Variants in FAN1 observed in about 807,000 individuals in gnomAD.
FAN1 encodes FANCD2 and FANCI associated nuclease 1, also known as fanconi-associated nuclease 1.
Under a neutral mutation model 104.9 loss-of-function variants are expected in FAN1, and 91 were observed. The observed-to-expected ratio is 0.87, with a 90% CI of 0.73 to 1.03. FAN1 has a LOEUF of 1.03. Ranked by LOEUF, FAN1 falls within the 50% of genes least tolerant of loss-of-function variation. The pLI, the probability that FAN1 is intolerant of heterozygous loss-of-function variation, is 0.00. For missense variants in FAN1, 1,263 were observed against 1,239.9 expected, an observed-to-expected ratio of 1.02 and a Z score of -0.28; for synonymous variants, 478 against 457.6, an observed-to-expected ratio of 1.04 and a Z score of -0.57.
rs1566931947 is a variant in FAN1 at position 30,930,406 on chromosome 15, C to T, written c.2788-137C>T. ...TGCAGCTCTGGTACAAGCAGCAGAA[C>T]AGCGCATGGTGGGCCTGGGGTCCAT... On this transcript the variant is annotated intron_variant, in intron 12 of 14. Transcript: ENST00000362065. 5 of 972,172 alleles carry T rather than the reference C, an allele frequency of 5.1e-6. No homozygotes were observed. In the South Asian group the frequency reaches 8.2e-5, roughly 16 times the overall value. 60.2% of individuals were successfully genotyped at this position (972,172 alleles called of 1,614,324 possible).
At chr15:30,941,245 G>A (rs771697948) in intron 14 of FAN1, 21 of 1,444,980 alleles carry the variant, frequency 1.5e-5, no homozygotes, top group East Asian at 3.1e-5. Context: ...ACGGTTACAA[G>A]AGCCAGACCT....
At chr15:30,923,496 C>T (rs1049246137) in intron 8 of FAN1, among the ~76,000 whole-genome samples, 3 of 152,200 alleles carry the variant, frequency 2.0e-5, no homozygotes, top group Non-Finnish European at 4.4e-5. Context: ...CCTCTGTTTC[C>T]AGAGGTCTTA....
chr15:30,928,887 T>G (rs981359752), intron 11 of FAN1: 4 of 698,388 alleles, frequency 5.7e-6, no homozygotes, highest in Middle Eastern at 1.4e-3. Context: ...TTTAGACCTT[T>G]CGTATAAAGT....
At chr15:30,918,736 G>C (rs2062247225) in intron 6 of FAN1, among the ~76,000 whole-genome samples, 1 of 152,200 alleles carries the variant, frequency 6.6e-6, no homozygotes, top group Non-Finnish European at 1.5e-5. Context: ...CACAGCACAT[G>C]ATCTTTTATT....
chr15:30,927,263 G>A (rs1298641042), intron 10 of FAN1: 1 of 985,400 alleles, frequency 1.0e-6, no homozygotes, highest in African/African-American at 1.7e-5. Context: ...ATTCCTGCCT[G>A]ATCGTCAGTG....
chr15:30,917,181 G>C (rs535277948), intron 5 of FAN1, among the ~76,000 whole-genome samples: 1 of 152,288 alleles, frequency 6.6e-6, no homozygotes, highest in South Asian at 2.1e-4. Flanking sequence ...ATCAAGGATG[G>C]CTCTGGTGTT....
Position 30,913,882 on chromosome 15 carries a change from A to G in FAN1, c.1602A>G (p.Ser534=). The G allele has an allele frequency of 2.5e-6, 4 of 1,613,656 alleles. No individual in the cohort carries two copies. The highest frequency in any genetic ancestry group is 3.4e-6 in the Non-Finnish European group (4 of 1,179,722). Residue 534 remains serine (S), a synonymous_variant, in exon 5 of 15, where the codon TCA becomes TCG. Transcript: ENST00000362065. ...GAGCCAAAGCCTTGGCTGGACAGTC[A>G]GTACGAATCTGTAAAGGCCCCAGGG... is the stretch of plus-strand genomic sequence containing the variant. ...LKRAKALAGQ[S]VRICKGPRAV...
chr15:30,923,137 C>T (rs987554762), intron 8 of FAN1, among the ~76,000 whole-genome samples: 2 of 152,170 alleles, frequency 1.3e-5, no homozygotes, highest in East Asian at 1.9e-4. Flanking sequence ...TGGAAAAAAA[C>T]GACCACTGGT....
In FAN1 at chr15:30,925,894, G is replaced by A. The variant is rs747737209; in HGVS notation, c.2443G>A (p.Glu815Lys). The A allele has an allele frequency of 7.4e-6, 12 of 1,614,230 alleles. No individual in the cohort carries two copies. Among genetic ancestry groups the A allele is most frequent in the Non-Finnish European group, 1.0e-5 (12 of 1,180,044 alleles). Residue 815 changes from glutamate (E) to lysine (K), a missense_variant, in exon 10 of 15, where the codon GAG (glutamate) becomes AAG (lysine). Transcript: ENST00000362065. ...CCCCACCACGGTCCTGTGCTCTGTG[G>A]AGGAGCTGGCACTGGCCCATTACAG... ...ADPTTVLCSVEELALAHYRRS... is the reference protein window; with the variant it reads ...ADPTTVLCSVKELALAHYRRS...
At chr15:30,921,522 T>C (rs1487807669) in intron 7 of FAN1, among the ~76,000 whole-genome samples, 1 of 152,084 alleles carries the variant, frequency 6.6e-6, no homozygotes, top group Non-Finnish European at 1.5e-5. Context: ...AATATATATA[T>C]ACAAAACAAG....
chr15:30,933,753 CT>C (rs545200453), intron 13 of FAN1, among the ~76,000 whole-genome samples: 101 of 136,018 alleles, frequency 7.4e-4, no homozygotes, highest in East Asian at 2.2e-3. Context: ...TATTTCTTTT[CT>C]TTTTTTTTTT....
chr15:30,934,928 T>G (rs1380631427), intron 13 of FAN1, among the ~76,000 whole-genome samples: 1 of 152,234 alleles, frequency 6.6e-6, no homozygotes, highest in Non-Finnish European at 1.5e-5. Context: ...TTTCTACAGT[T>G]GATTAATGAG....
intron 8 of FAN1, among the ~76,000 whole-genome samples, chr15:30,922,579 G>T (rs2062360706): frequency 1.3e-5 from 2 of 152,164 alleles, no homozygotes; most frequent in Non-Finnish European, 2.9e-5. Flanking sequence ...GCTGATTGGC[G>T]AGATGGGCTT....
rs781668189 is a variant in FAN1, at chr15:30,941,862, G to A, written c.*300G>A. On this transcript the variant is annotated 3_prime_UTR_variant, in exon 15 of 15. Transcript: ENST00000362065. ...AGTTTTATGTGTGTTCCAGAGACAC[G>A]TGGCAGAATAACACCGTGCAGGTTG... is the stretch of plus-strand genomic sequence containing the variant. 2.0e-5 allele frequency: 33 copies of A among 1,614,046 alleles called. No homozygotes were observed. The highest frequency in any genetic ancestry group is 5.5e-5 in the South Asian group (5 of 91,088).
At chr15:30,934,136 C>T (rs1297793579) in intron 13 of FAN1, among the ~76,000 whole-genome samples, 1 of 152,168 alleles carries the variant, frequency 6.6e-6, no homozygotes, top group East Asian at 1.9e-4. Flanking sequence ...GTCATGTCCT[C>T]TTCATGAGTC....
chr15:30,910,799 G>A lies in FAN1; in HGVS notation c.1561G>A (p.Ala521Thr), dbSNP rs772046252. Residue 521 changes from alanine to threonine, a missense_variant, in exon 4 of 15, where the codon GCA (alanine) becomes ACA (threonine). Physicochemically the swap from Ala to Thr is moderately conservative, Grantham distance 58 (BLOSUM62 0). Around this residue, in one of 2 missense-constraint regions of FAN1, gnomAD observed 581 missense variants for 668.8 expected, o/e 0.87. Coordinates refer to ENST00000362065, the MANE Select transcript of FAN1 (RefSeq NM_014967.5). ...TWGKNKPGIG[A>T]VILKRAKALA... ...GGGCAAGAATAAGCCTGGAATTGGTGCAGTGATTTTAAAAAGGTTTTGTTG... is the reference window on the plus strand; with the variant it reads ...GGGCAAGAATAAGCCTGGAATTGGTACAGTGATTTTAAAAAGGTTTTGTTG... 4 of 1,613,576 alleles carry A rather than the reference G, an allele frequency of 2.5e-6. No homozygotes were observed. Among genetic ancestry groups the A allele is most frequent in the Non-Finnish European group, 3.4e-6 (4 of 1,179,774 alleles).
intron 14 of FAN1, 196 bp from the exon 15 acceptor site, chr15:30,941,370 C>A (rs2063046510): frequency 1.3e-6 from 2 of 1,536,170 alleles, no homozygotes. Flanking sequence ...ATTATTCTTA[C>A]ATATAAAGTT....
chr15:30,914,430 T>A (rs1329472031), intron 5 of FAN1, among the ~76,000 whole-genome samples: 1 of 152,220 alleles, frequency 6.6e-6, no homozygotes, highest in Non-Finnish European at 1.5e-5. Flanking sequence ...GGTGGCATGA[T>A]CACCGCTCAC....
chr15:30,907,997 A>G, intron 2 of FAN1, 121 bp from the exon 3 acceptor site: 1 of 659,314 alleles, frequency 1.5e-6, no homozygotes, highest in Non-Finnish European at 2.3e-6. Context: ...GGTTTATTCC[A>G]TAAAATGAAG....
Sources: gnomAD v4.1 joint callset for allele counts (sites outside exome capture counted in the v4.1 genomes callset) on GRCh38, gnomAD v4.1.1 for gene constraint, gnomAD v4.1.1 regional missense constraint, MANE v1.5 for transcripts, NCBI Gene and HGNC (gene_info 2026-07-23, HGNC 2026-07-21) for gene names.